EPB41L4B: variants seen among roughly 807,000 people sequenced by gnomAD.
EPB41L4B encodes the protein band 4.1-like protein 4B.
EPB41L4B carries 30 observed loss-of-function variants against 112.5 expected under a neutral mutation model. The observed-to-expected ratio is 0.27, with a 90% CI of 0.20 to 0.36. EPB41L4B has a LOEUF of 0.36. Among genes scored for constraint, EPB41L4B ranks in the 10% least tolerant of loss-of-function variants. The probability of loss-of-function intolerance (pLI) is 1.00; values close to 1 mark genes in which losing one functional copy is unlikely to be tolerated. For synonymous variants in EPB41L4B, 408 were observed against 439.7 expected, an observed-to-expected ratio of 0.93 and a Z score of 0.90; for missense variants, 1,024 against 1,133.3, an observed-to-expected ratio of 0.90 and a Z score of 1.38.
At chr9:109,185,462 G>T (rs371466056) in intron 23 of EPB41L4B, 27 bp downstream of exon 23, 2 of 1,602,472 alleles carry the variant, frequency 1.2e-6, no homozygotes, top group African/African-American at 2.7e-5. Context: ...CTCCTGGCCA[G>T]GCCCCTCTCC....
intron 1 of EPB41L4B, among the ~76,000 whole-genome samples, chr9:109,311,036 G>T (rs375913433): frequency 6.6e-6 from 1 of 152,122 alleles, no homozygotes; most frequent in Non-Finnish European, 1.5e-5. Context: ...GGGTTTGGGG[G>T]GAGTGAAAAT....
chr9:109,267,641 T>A, intron 3 of EPB41L4B, 90 bp from the exon 4 acceptor site: 1 of 850,108 alleles, frequency 1.2e-6, no homozygotes, highest in Non-Finnish European at 2.0e-6. Flanking sequence ...GTTAAATCTA[T>A]AACATTTAGC....
intron 6 of EPB41L4B, among the ~76,000 whole-genome samples, chr9:109,261,455 G>T (rs1219461328): frequency 6.6e-6 from 1 of 152,072 alleles, no homozygotes; most frequent in Admixed American, 6.6e-5. Context: ...CAGTGCTTTG[G>T]GAGGCTGAGG....
At chr9:109,256,019 C>A in intron 9 of EPB41L4B, 117 bp downstream of exon 9, 1 of 1,145,362 alleles carries the variant, frequency 8.7e-7, no homozygotes, top group African/African-American at 1.5e-5. Context: ...ACAGCAGCAC[C>A]GTGTGCTCTG....
chr9:109,314,634 A>ACCCC (rs371227056), intron 1 of EPB41L4B, among the ~76,000 whole-genome samples: 28 of 131,400 alleles, frequency 2.1e-4, no homozygotes, highest in African/African-American at 8.9e-4. Context: ...CCCCTCTCTC[A>ACCCC]CCCCCCCCCA....
intron 1 of EPB41L4B, among the ~76,000 whole-genome samples, chr9:109,294,107 C>T (rs1836641771): frequency 1.3e-5 from 2 of 150,734 alleles, no homozygotes; most frequent in African/African-American, 4.9e-5. Flanking sequence ...GAGATCGAGA[C>T]CATCCTGGCT....
chr9:109,268,637 G>A (rs893753564), intron 2 of EPB41L4B, among the ~76,000 whole-genome samples: 3 of 152,108 alleles, frequency 2.0e-5, no homozygotes, highest in African/African-American at 4.8e-5. Flanking sequence ...GGTGGCTCAC[G>A]CCTGTAATCC....
In EPB41L4B at chr9:109,226,097, C is replaced by G. The variant is rs568940730; in HGVS notation, c.1410-8952G>C. 4.6e-5 allele frequency among the ~76,000 whole-genome samples: 7 copies of G among 152,282 alleles called. No individual in the cohort carries two copies. In the South Asian group the frequency reaches 1.5e-3, roughly 32 times the overall value. On this transcript the variant is annotated intron_variant, in intron 15 of 25. Coordinates refer to ENST00000374566, the MANE Select transcript of EPB41L4B (RefSeq NM_019114.5). ...CTTGTGATGCCATCTTCATATGTGT[C>G]TGCCACTTTCCTGAGTGCTCTCAGA...
chr9:109,302,058 A>C (rs1446897935), intron 1 of EPB41L4B, among the ~76,000 whole-genome samples: 1 of 152,250 alleles, frequency 6.6e-6, no homozygotes, highest in Non-Finnish European at 1.5e-5. Flanking sequence ...GGCCACCAAG[A>C]GTCAACTTTC....
chr9:109,178,099 G>A (rs919520898), intron 24 of EPB41L4B, among the ~76,000 whole-genome samples: 2 of 151,506 alleles, frequency 1.3e-5, no homozygotes, highest in Non-Finnish European at 2.9e-5. Flanking sequence ...TTAATCTTTC[G>A]TGGAAACAGT....
At chr9:109,288,837 GCTGCAGTCAGCTGTTCATGCCA>G (rs1836411521) in intron 1 of EPB41L4B, among the ~76,000 whole-genome samples, 1 of 150,146 alleles carries the variant, frequency 6.7e-6, no homozygotes, top group Admixed American at 6.7e-5. Flanking sequence ...GGAGGTTGAG[GCTGCAGTCAGCTGTTCATGCCA>G]CTGCACTCTA....
chr9:109,316,024 T>C (rs928722704), intron 1 of EPB41L4B, among the ~76,000 whole-genome samples: 2 of 152,258 alleles, frequency 1.3e-5, no homozygotes, highest in East Asian at 1.9e-4. Context: ...TACAACCTAC[T>C]AGCAACCTTT....
At chr9:109,236,680 A>C (rs2118933776) in intron 15 of EPB41L4B, among the ~76,000 whole-genome samples, 1 of 152,346 alleles carries the variant, frequency 6.6e-6, no homozygotes, top group Non-Finnish European at 1.5e-5. Context: ...GCCTATTTGC[A>C]GAACTATTGA....
At chr9:109,311,493 G>A (rs1564338298) in intron 1 of EPB41L4B, among the ~76,000 whole-genome samples, 2 of 152,250 alleles carry the variant, frequency 1.3e-5, no homozygotes, top group African/African-American at 2.4e-5. Context: ...AAGAAGCACC[G>A]GATGATCCCA....
chr9:109,249,439 G>A (rs924120126), intron 13 of EPB41L4B, among the ~76,000 whole-genome samples: 10 of 75,714 alleles, frequency 1.3e-4, no homozygotes, highest in Non-Finnish European at 2.4e-4. Flanking sequence ...GAACAGCTGC[G>A]AACAGCAGTT....
intron 20 of EPB41L4B, among the ~76,000 whole-genome samples, chr9:109,198,718 G>A (rs901336612): frequency 1.5e-4 from 23 of 152,106 alleles, no homozygotes; most frequent in Non-Finnish European, 1.6e-4. Flanking sequence ...AACCAGCCTG[G>A]CCAACATGGT....
intron 1 of EPB41L4B, among the ~76,000 whole-genome samples, chr9:109,289,520 G>A (rs1836445171): frequency 1.3e-5 from 2 of 152,218 alleles, no homozygotes; most frequent in Admixed American, 1.3e-4. Context: ...GTGGATTAAG[G>A]AGAATCCTCA....
At chr9:109,186,728 C>A (rs573457338) in intron 22 of EPB41L4B, among the ~76,000 whole-genome samples, 1 of 152,318 alleles carries the variant, frequency 6.6e-6, no homozygotes, top group East Asian at 1.9e-4. Context: ...AGATTCCCCA[C>A]CTCCTCGGCC....
chr9:109,216,590 G>A (rs1019251366), intron 16 of EPB41L4B, among the ~76,000 whole-genome samples: 3 of 148,844 alleles, frequency 2.0e-5, no homozygotes, highest in Non-Finnish European at 4.4e-5. Context: ...GCAATGAGCC[G>A]AGATCATGCC....
Sources: allele counts gnomAD v4.1 joint callset (sites outside exome capture counted in the v4.1 genomes callset), GRCh38; gene constraint gnomAD v4.1.1; transcripts MANE v1.5; gene names NCBI Gene and HGNC (gene_info 2026-07-23, HGNC 2026-07-21).